PRH1: variants seen among roughly 807,000 people sequenced by gnomAD.
PRH1 encodes the protein proline rich protein HaeIII subfamily 1.
Under a neutral mutation model 7.9 loss-of-function variants are expected in PRH1, and 7 were observed. The observed-to-expected ratio is 0.89, with a 90% confidence interval of 0.50 to 1.67. The LOEUF (loss-of-function observed/expected upper bound fraction) is 1.67. Ranked by LOEUF, PRH1 falls within the 40% of genes most tolerant of loss-of-function variation. The pLI is 0.00. For synonymous variants in PRH1, 45 were observed against 80.8 expected, an observed-to-expected ratio of 0.56 and a Z score of 2.38; for missense variants, 109 against 223.6, an observed-to-expected ratio of 0.49 and a Z score of 3.27.
chr12:11,070,776 G>A (rs1944029070), intron 1 of PRH1, among the ~76,000 whole-genome samples: 1 of 151,496 alleles, frequency 6.6e-6, no homozygotes, highest in Admixed American at 6.6e-5. Context: ...AAGACACTGT[G>A]GTCCATGAGA....
At chr12:10,912,525 C>T (rs1433814756) in intron 2 of PRH1, among the ~76,000 whole-genome samples, 1 of 151,808 alleles carries the variant, frequency 6.6e-6, no homozygotes, top group Non-Finnish European at 1.5e-5. Context: ...CTATTCAAGT[C>T]TGTCTTGGTC....
intron 2 of PRH1, among the ~76,000 whole-genome samples, chr12:10,967,708 A>G (rs927523300): frequency 2.6e-5 from 4 of 151,996 alleles, no homozygotes; most frequent in Non-Finnish European, 5.9e-5. Context: ...GGGAAATTCA[A>G]TGAACAGCAC....
At chr12:11,092,641 G>A (rs1248681026) in intron 1 of PRH1, among the ~76,000 whole-genome samples, 3 of 114,328 alleles carry the variant, frequency 2.6e-5, no homozygotes, top group Admixed American at 8.8e-5. Flanking sequence ...GCTACAGAGC[G>A]CTGATTGCTG....
intron 1 of PRH1, among the ~76,000 whole-genome samples, chr12:11,086,442 A>T (rs1455510117): frequency 6.8e-6 from 1 of 147,580 alleles, no homozygotes; most frequent in South Asian, 2.1e-4. Flanking sequence ...AATAGATGTT[A>T]AAATCAGTCT....
chr12:11,149,314 C>T (rs1311688039), intron 1 of PRH1, among the ~76,000 whole-genome samples: 1 of 152,092 alleles, frequency 6.6e-6, no homozygotes, highest in Non-Finnish European at 1.5e-5. Context: ...TTAGTTATTT[C>T]TTGCCTTCTG....
At position 10,938,421 on chromosome 12, in the gene PRH1, T is replaced by C. The variant is rs768810336; in HGVS notation, c.-59+35234A>G. ...GCCATTCCCATCACCTGGGAAAGAA[T>C]AATTAGATTTTCCTCCAACCTTTCA... On this transcript the variant is annotated intron_variant, in intron 2 of 3. Transcript: ENST00000539853. The C allele has an allele frequency of 1.9e-6, 3 of 1,613,992 alleles. No individual in the cohort carries two copies. The South Asian group carries it at 3.3e-5, about 18-fold the overall frequency.
intron 1 of PRH1, among the ~76,000 whole-genome samples, chr12:11,149,813 A>G (rs1418529677): frequency 7.4e-6 from 1 of 135,316 alleles, no homozygotes; most frequent in Non-Finnish European, 1.7e-5. Flanking sequence ...GACAAAATTG[A>G]CAAATGGGAT....
chr12:11,113,958 G>A (rs947489849), intron 1 of PRH1, among the ~76,000 whole-genome samples: 1 of 152,110 alleles, frequency 6.6e-6, no homozygotes, highest in Non-Finnish European at 1.5e-5. Context: ...ACCACAATGA[G>A]ATACCATCTC....
At chr12:11,130,373 G>C (rs1192523378) in intron 1 of PRH1, among the ~76,000 whole-genome samples, 1 of 152,090 alleles carries the variant, frequency 6.6e-6, no homozygotes, top group Non-Finnish European at 1.5e-5. Context: ...ACGGCATTTT[G>C]CTCTCTCTAT....
At chr12:11,046,929 C>T in intron 1 of PRH1, 2 of 439,054 alleles carry the variant, frequency 4.6e-6, no homozygotes, top group Non-Finnish European at 5.0e-6. Flanking sequence ...GGAGATGATA[C>T]ATTTGTATCA....
In PRH1 at chr12:11,082,843, A is replaced by G. The variant is rs1944539317; in HGVS notation, n.124-35655T>C. ...AATACTCTGTGCAATTATGAAGTGT[A>G]TAAGCTTCATTTCATCTTTTAATAG... On this transcript the variant is annotated intron_variant and non_coding_transcript_variant, in intron 1 of 4. Transcript: ENST00000541977. 7.7e-5 allele frequency among the ~76,000 whole-genome samples: 9 copies of G among 116,200 alleles called. 2 individuals carry two copies. Among genetic ancestry groups the G allele is most frequent in the Admixed American group, 7.0e-4 (8 of 11,482 alleles). The allele number at this position is 116,200 out of a possible 152,430, so 76.2% of individuals were successfully genotyped here.
At chr12:10,990,112 G>T (rs1448852585) in intron 1 of PRH1, among the ~76,000 whole-genome samples, 2 of 152,096 alleles carry the variant, frequency 1.3e-5, no homozygotes, top group Non-Finnish European at 2.9e-5. Context: ...CATGGTACTG[G>T]CATAAAAACA....
chr12:10,931,534 C>T (rs1225404566), intron 2 of PRH1, among the ~76,000 whole-genome samples: 4 of 152,184 alleles, frequency 2.6e-5, no homozygotes, highest in Admixed American at 2.0e-4. Flanking sequence ...ACACATTTCA[C>T]ATTTAAAGTC....
chr12:11,006,207 C>T (rs1413133894), intron 1 of PRH1: 3 of 151,450 alleles, frequency 2.0e-5, no homozygotes, highest in African/African-American at 7.3e-5. Flanking sequence ...ATAATATTAT[C>T]TTTGGGTAGT....
intron 2 of PRH1, among the ~76,000 whole-genome samples, chr12:10,959,015 G>A (rs1050358510): frequency 4.6e-5 from 7 of 152,172 alleles, no homozygotes; most frequent in African/African-American, 1.7e-4. Flanking sequence ...AGAAACTCAT[G>A]GCAAATATCC....
chr12:11,126,811 GT>G (rs1313686161), intron 1 of PRH1, among the ~76,000 whole-genome samples: 5 of 152,126 alleles, frequency 3.3e-5, no homozygotes. Flanking sequence ...TTTTAGCATT[GT>G]TTAACAACTC....
intron 1 of PRH1, among the ~76,000 whole-genome samples, chr12:11,064,285 T>C (rs1943723974): frequency 6.6e-6 from 1 of 152,230 alleles, no homozygotes; most frequent in Non-Finnish European, 1.5e-5. Context: ...ATGTTCTTCT[T>C]GTTTGTGGCT....
intron 2 of PRH1, chr12:10,938,885 A>G (rs749499243): frequency 6.2e-7 from 1 of 1,613,872 alleles, no homozygotes; most frequent in Admixed American, 1.7e-5. Context: ...TATCTTGAGA[A>G]AATAAAAAGT....
intron 2 of PRH1, chr12:10,897,029 C>A (rs1482036379): frequency 1.3e-5 from 2 of 152,118 alleles, no homozygotes; most frequent in African/African-American, 2.4e-5. Context: ...GTCACAATGT[C>A]CAAACCCACA....
Sources: allele counts gnomAD v4.1 joint callset (sites outside exome capture counted in the v4.1 genomes callset), GRCh38; gene constraint gnomAD v4.1.1; transcripts MANE v1.5; gene names NCBI Gene and HGNC (gene_info 2026-07-23, HGNC 2026-07-21).